LRFN2: variants seen among roughly 807,000 people sequenced by gnomAD.
LRFN2 encodes the protein leucine rich repeat and fibronectin type III domain containing 2, also known as leucine-rich repeat and fibronectin type-III domain-containing protein 2.
In LRFN2, 18 loss-of-function variants were observed where a neutral mutation model predicts 37.3. The ratio of observed to expected loss-of-function variants is 0.48; its 90% CI spans 0.33 to 0.72. LRFN2 has a LOEUF of 0.72. Among genes scored for constraint, LRFN2 ranks in the 30% least tolerant of loss-of-function variants. LRFN2 has a pLI of 0.02. For synonymous variants in LRFN2, 556 were observed against 466.6 expected, an observed-to-expected ratio of 1.19 and a Z score of -2.47; for missense variants, 1,006 against 1,060.7, an observed-to-expected ratio of 0.95 and a Z score of 0.72.
At chr6:40,511,152 G>A (rs1025282441) in intron 1 of LRFN2, among the ~76,000 whole-genome samples, 2 of 152,112 alleles carry the variant, frequency 1.3e-5, no homozygotes, top group African/African-American at 4.8e-5. Context: ...GGGCACGAAG[G>A]TCAGATGGAG....
rs567768191 is a variant in LRFN2, at chr6:40,432,487, C to T, written c.627G>A (p.Leu209=). ...AGATGGGATCAGGGGGCAGCTTCTG[C>T]AGCCGATTGGAGGTGAGATCCAGGC... ...LARLDLTSNR[L]QKLPPDPIFA... The change falls in exon 2 of 3, where the codon CTG becomes CTA. Residue 209 remains leucine (L), a synonymous_variant. Transcript: ENST00000338305. The T allele has an allele frequency of 1.2e-6, 2 of 1,614,240 alleles. No homozygotes were observed. The highest frequency in any genetic ancestry group is 3.3e-5 in the Admixed American group (2 of 60,036).
Position 40,430,985 on chromosome 6 carries a change from G to A in LRFN2, c.1400+729C>T, listed in dbSNP as rs563640501. ...CAACCCAGAGAAAAATAGAACTTAG[G>A]GAAGGTAAGAAACTGAGAATACAGA... is the stretch of plus-strand genomic sequence containing the variant. On this transcript the variant is annotated intron_variant, in intron 2 of 2. Transcript: ENST00000338305. 5.0e-4 allele frequency among the ~76,000 whole-genome samples: 76 copies of A among 152,206 alleles called. No homozygotes were observed. In the Middle Eastern group the frequency reaches 0.02, roughly 41 times the overall value.
intron 1 of LRFN2, among the ~76,000 whole-genome samples, chr6:40,524,509 G>A (rs948642027): frequency 1.3e-5 from 2 of 151,826 alleles, no homozygotes; most frequent in African/African-American, 4.8e-5. Flanking sequence ...AGTAAATAAA[G>A]CTTGGCCTCT....
chr6:40,480,497 C>G (rs548652372), intron 1 of LRFN2, among the ~76,000 whole-genome samples: 1 of 152,078 alleles, frequency 6.6e-6, no homozygotes, highest in Admixed American at 6.5e-5. Flanking sequence ...AGGCTGGTCA[C>G]GACCTCCTGG....
At chr6:40,517,904 G>A (rs1192080960) in intron 1 of LRFN2, among the ~76,000 whole-genome samples, 2 of 152,252 alleles carry the variant, frequency 1.3e-5, no homozygotes, top group East Asian at 1.9e-4. Flanking sequence ...GTTCACATGA[G>A]CTAAGAGGGG....
chr6:40,564,829 A>G (rs1441639240), intron 1 of LRFN2, among the ~76,000 whole-genome samples: 1 of 152,046 alleles, frequency 6.6e-6, no homozygotes, highest in Admixed American at 6.6e-5. Flanking sequence ...CCATGACCAC[A>G]ATACCCATCT....
chr6:40,396,632 A>G (rs1017089261), intron 2 of LRFN2, among the ~76,000 whole-genome samples: 7 of 151,954 alleles, frequency 4.6e-5, no homozygotes, highest in African/African-American at 1.7e-4. Context: ...CAGCAGGAAA[A>G]GCCTGCTAGG....
intron 1 of LRFN2, among the ~76,000 whole-genome samples, chr6:40,564,163 G>T (rs1767049054): frequency 1.3e-5 from 2 of 152,144 alleles, no homozygotes; most frequent in Admixed American, 1.3e-4. Context: ...CTGAGTCTTA[G>T]GTCTGGCCCC....
At chr6:40,423,985 T>C (rs1394691016) in intron 2 of LRFN2, among the ~76,000 whole-genome samples, 1 of 152,226 alleles carries the variant, frequency 6.6e-6, no homozygotes, top group Non-Finnish European at 1.5e-5. Context: ...TGAGATGTTA[T>C]AAACCCTTAT....
At chr6:40,520,276 G>A (rs941608186) in intron 1 of LRFN2, among the ~76,000 whole-genome samples, 2 of 152,050 alleles carry the variant, frequency 1.3e-5, no homozygotes, top group South Asian at 2.1e-4. Context: ...AGGGGTGGAG[G>A]AGTGCAGAGG....
intron 2 of LRFN2, among the ~76,000 whole-genome samples, chr6:40,422,736 G>C (rs1554133465): frequency 6.6e-6 from 1 of 152,132 alleles, no homozygotes; most frequent in Non-Finnish European, 1.5e-5. Context: ...CCATCCCTCT[G>C]TAAGCCCTTT....
chr6:40,585,200 C>G (rs187167603), intron 1 of LRFN2, among the ~76,000 whole-genome samples: 1 of 152,224 alleles, frequency 6.6e-6, no homozygotes, highest in East Asian at 1.9e-4. Flanking sequence ...TGTTTGCATC[C>G]CCAGGATGAG....
At chr6:40,445,053 T>C (rs779816231) in intron 1 of LRFN2, among the ~76,000 whole-genome samples, 3 of 152,002 alleles carry the variant, frequency 2.0e-5, no homozygotes, top group Admixed American at 6.6e-5. Flanking sequence ...GATTCAACCA[T>C]TCAGTTAGGC....
At chr6:40,550,705 C>A (rs529069121) in intron 1 of LRFN2, among the ~76,000 whole-genome samples, 1 of 151,524 alleles carries the variant, frequency 6.6e-6, no homozygotes, top group Non-Finnish European at 1.5e-5. Context: ...TTTTCATATT[C>A]TTTCTCCACT....
At chr6:40,476,881 T>C (rs1281901296) in intron 1 of LRFN2, among the ~76,000 whole-genome samples, 1 of 152,192 alleles carries the variant, frequency 6.6e-6, no homozygotes, top group Non-Finnish European at 1.5e-5. Flanking sequence ...GCAAGTAGAA[T>C]CAGGAGTGGC....
intron 1 of LRFN2, among the ~76,000 whole-genome samples, chr6:40,476,101 G>T (rs1478056862): frequency 1.3e-5 from 2 of 152,184 alleles, no homozygotes; most frequent in Non-Finnish European, 2.9e-5. Flanking sequence ...CTGGGCTCCA[G>T]CCTGGCCTGA....
intron 1 of LRFN2, among the ~76,000 whole-genome samples, chr6:40,451,015 T>C (rs1380604516): frequency 6.6e-6 from 1 of 152,228 alleles, no homozygotes; most frequent in Admixed American, 6.5e-5. Context: ...TGCATCTCCA[T>C]GGATATCACT....
At chr6:40,561,667 C>T (rs540543059) in intron 1 of LRFN2, among the ~76,000 whole-genome samples, 6 of 152,314 alleles carry the variant, frequency 3.9e-5, no homozygotes, top group Admixed American at 1.3e-4. Flanking sequence ...GAAACTTACT[C>T]AGCATGGAAA....
At chr6:40,563,883 C>T (rs753826823) in intron 1 of LRFN2, among the ~76,000 whole-genome samples, 2 of 152,174 alleles carry the variant, frequency 1.3e-5, no homozygotes, top group Non-Finnish European at 2.9e-5. Flanking sequence ...GATTACTCCA[C>T]AGACAGACCT....
Sources: gnomAD v4.1 joint callset for allele counts (sites outside exome capture counted in the v4.1 genomes callset) on GRCh38, gnomAD v4.1.1 for gene constraint, MANE v1.5 for transcripts, NCBI Gene and HGNC (gene_info 2026-07-23, HGNC 2026-07-21) for gene names.